AIG1: variants seen among roughly 807,000 people sequenced by gnomAD.
AIG1 encodes androgen induced 1, also known as androgen-induced gene 1 protein.
A neutral mutation model predicts 31.4 loss-of-function variants in AIG1; 23 were observed. The observed-to-expected ratio is 0.73, with a 90% confidence interval of 0.53 to 1.04. The LOEUF is 1.04. AIG1 is among the 50% of genes least tolerant of loss of function. The probability of loss-of-function intolerance (pLI) is 0.00; values close to 1 mark genes in which losing one functional copy is unlikely to be tolerated. For missense variants in AIG1, 274 were observed against 295.0 expected (o/e 0.93, Z 0.52); for synonymous variants, 100 against 110.5 (o/e 0.90, Z 0.60).
At chr6:143,341,269 C>T (rs1008498519), downstream of AIG1, among the ~76,000 whole-genome samples, 6 of 152,166 alleles carry the variant, frequency 3.9e-5, no homozygotes, top group African/African-American at 1.4e-4. Flanking sequence ...CTTGGAATGA[C>T]TGCTGCAGTT....
chr6:143,343,194 A>G, downstream of AIG1: 1 of 710,718 alleles, frequency 1.4e-6, no homozygotes, highest in Non-Finnish European at 2.7e-6. Context: ...CATTAACGCC[A>G]CGGATATGGC....
At chr6:143,131,879 G>T (rs1262437024) in intron 1 of AIG1, among the ~76,000 whole-genome samples, 1 of 152,132 alleles carries the variant, frequency 6.6e-6, no homozygotes, top group Non-Finnish European at 1.5e-5. Flanking sequence ...CTAAGTTTGT[G>T]GTAACTTGTT....
At chr6:143,302,135 G>A (rs1798867369) in intron 4 of AIG1, among the ~76,000 whole-genome samples, 1 of 151,310 alleles carries the variant, frequency 6.6e-6, no homozygotes, top group South Asian at 2.1e-4. Flanking sequence ...AAAAACTATG[G>A]AAGAAAAGAG....
intron 2 of AIG1, among the ~76,000 whole-genome samples, chr6:143,154,999 C>G (rs556059363): frequency 6.6e-6 from 1 of 151,130 alleles, no homozygotes; most frequent in African/African-American, 2.4e-5. Context: ...AGACATACAC[C>G]ACCACATCTG....
chr6:143,178,518 G>A (rs1788405275), intron 3 of AIG1, among the ~76,000 whole-genome samples: 1 of 152,238 alleles, frequency 6.6e-6, no homozygotes, highest in Non-Finnish European at 1.5e-5. Flanking sequence ...GCATGGAAAT[G>A]TGGACTGCTG....
At position 143,258,562 on chromosome 6, in the gene AIG1, G is replaced by A. The variant is rs1795524426; in HGVS notation, c.400-25548G>A. ...CTGCAGCCTCTGCCAGCTAATGGAG[G>A]TATTTTATGGGCTTTATTGGCAGAG... On this transcript the variant is annotated intron_variant, in intron 3 of 5. Coordinates refer to ENST00000357847, the MANE Select transcript of AIG1 (RefSeq NM_016108.4). This position sits in a 1 kb window ranked among gnomAD's most constrained non-coding sequence, Gnocchi z 4.7. Among the ~76,000 whole-genome samples the A allele has an allele frequency of 6.6e-6, 1 of 152,192 alleles. No homozygotes were observed. Among genetic ancestry groups the A allele is most frequent in the South Asian group, 2.1e-4 (1 of 4,826 alleles).
At chr6:143,166,210 AT>A (rs1044758548) in intron 3 of AIG1, among the ~76,000 whole-genome samples, 5 of 151,658 alleles carry the variant, frequency 3.3e-5, no homozygotes, top group South Asian at 2.1e-4. Flanking sequence ...AGAGAATTGG[AT>A]TTTTTTTTAG....
intron 3 of AIG1, among the ~76,000 whole-genome samples, chr6:143,271,504 T>G (rs938122861): frequency 2.0e-5 from 3 of 152,230 alleles, no homozygotes; most frequent in African/African-American, 7.2e-5. Context: ...AGTAGACGTT[T>G]GCCAATCAAT....
intron 1 of AIG1, among the ~76,000 whole-genome samples, chr6:143,075,092 G>T (rs145780758): frequency 0.013 from 1,931 of 152,168 alleles, 20 homozygotes; most frequent in Middle Eastern, 0.048. Context: ...TCATCTTTCA[G>T]CATTTCCTTT....
chr6:143,190,546 G>A, intron 3 of AIG1: 3 of 985,142 alleles, frequency 3.0e-6, no homozygotes, highest in Non-Finnish European at 3.6e-6. Context: ...AGAATCATAT[G>A]AGATTATTTT....
At position 143,156,907 on chromosome 6, in the gene AIG1, C is replaced by T. The variant is rs77392134; in HGVS notation, c.298-8175C>T. On this transcript the variant is annotated intron_variant, in intron 2 of 5. Coordinates refer to ENST00000357847, the MANE Select transcript of AIG1 (RefSeq NM_016108.4). ...CATTCCCTGTAGCTGAGGGCAACTCCTGTTGAAGGATGCAGCTAAGAATGG... is the reference window on the plus strand; with the variant it reads ...CATTCCCTGTAGCTGAGGGCAACTCTTGTTGAAGGATGCAGCTAAGAATGG... Among the ~76,000 whole-genome samples the T allele has an allele frequency of 2.0e-3, 310 of 152,296 alleles. 11 individuals are homozygous for T. The East Asian group carries it at 0.054, about 26-fold the overall frequency.
chr6:143,160,284 T>C (rs1562441853), intron 2 of AIG1, among the ~76,000 whole-genome samples: 1 of 152,234 alleles, frequency 6.6e-6, no homozygotes, highest in African/African-American at 2.4e-5. Flanking sequence ...AATTTCCCAT[T>C]AATCAATAAA....
At chr6:143,218,174 G>A (rs1331743234) in intron 3 of AIG1, among the ~76,000 whole-genome samples, 7 of 152,110 alleles carry the variant, frequency 4.6e-5, no homozygotes, top group Non-Finnish European at 1.0e-4. Flanking sequence ...CCTCACTTGG[G>A]GTTTGTTCTT....
chr6:143,103,168 A>T (rs576955762), intron 1 of AIG1, among the ~76,000 whole-genome samples: 112 of 152,358 alleles, frequency 7.4e-4, no homozygotes, highest in Non-Finnish European at 1.5e-3. Context: ...TACAATGACA[A>T]GTAACACACA....
intron 1 of AIG1, among the ~76,000 whole-genome samples, chr6:143,081,869 G>T (rs1410925883): frequency 6.6e-6 from 1 of 152,064 alleles, no homozygotes; most frequent in Non-Finnish European, 1.5e-5. Flanking sequence ...CCATACTAGG[G>T]GTCCTTCTGT....
intron 1 of AIG1, among the ~76,000 whole-genome samples, chr6:143,111,917 C>T (rs1562387312): frequency 6.6e-6 from 1 of 152,174 alleles, no homozygotes; most frequent in South Asian, 2.1e-4. Flanking sequence ...AATAGCCTTA[C>T]ACCTGGCTTT....
chr6:143,273,668 A>G (rs375430805), intron 3 of AIG1, among the ~76,000 whole-genome samples: 4 of 152,212 alleles, frequency 2.6e-5, no homozygotes, highest in African/African-American at 4.8e-5. Context: ...GGCGAAAGGC[A>G]TGTCTTACAT....
At chr6:143,116,790 G>A (rs1781777662) in intron 1 of AIG1, among the ~76,000 whole-genome samples, 1 of 151,402 alleles carries the variant, frequency 6.6e-6, no homozygotes. Context: ...GCGGCAAGTG[G>A]GCTGGACAGG....
intron 3 of AIG1, chr6:143,188,725 G>A (rs547296164): frequency 9.8e-5 from 97 of 985,306 alleles, no homozygotes; most frequent in Non-Finnish European, 1.2e-4. Context: ...AAGACTTGTG[G>A]CCACTCTCAT....
Sources: allele counts gnomAD v4.1 joint callset (sites outside exome capture counted in the v4.1 genomes callset), GRCh38; gene constraint gnomAD v4.1.1; non-coding constraint Gnocchi (gnomAD v3.1); transcripts MANE v1.5; gene names NCBI Gene and HGNC (gene_info 2026-07-23, HGNC 2026-07-21).